Variants in ZFPM2 observed in about 807,000 individuals in gnomAD.
ZFPM2 encodes the protein zinc finger protein ZFPM2.
In ZFPM2, 20 loss-of-function variants were observed where a neutral mutation model predicts 98.6. That is an observed-to-expected ratio of 0.20 (90% CI 0.14 to 0.29). The LOEUF is 0.29. Ranked by LOEUF, ZFPM2 falls within the 10% of genes least tolerant of loss-of-function variation. The pLI is 1.00. For synonymous variants in ZFPM2, 518 were observed against 502.7 expected (o/e 1.03, Z -0.41); for missense variants, 1,310 against 1,388.6 (o/e 0.94, Z 0.90).
chr8:105,413,560 T>C (rs953069969), intron 1 of ZFPM2, among the ~76,000 whole-genome samples: 1 of 150,718 alleles, frequency 6.6e-6, no homozygotes, highest in African/African-American at 2.4e-5. Context: ...TATATGTATG[T>C]TTCTTCAATT....
intron 5 of ZFPM2, among the ~76,000 whole-genome samples, chr8:105,775,044 C>G (rs933143243): frequency 8.2e-5 from 12 of 146,598 alleles, no homozygotes; most frequent in Non-Finnish European, 1.8e-4. Context: ...TTTAAACTGA[C>G]TCCCTAGAGA....
Position 105,803,802 on chromosome 8 carries a change from A to T in ZFPM2, c.*264A>T. 1 of 406,408 alleles carries T rather than the reference A, an allele frequency of 2.5e-6. No homozygotes were observed. Among genetic ancestry groups the T allele is most frequent in the East Asian group, 4.7e-5 (1 of 21,284 alleles). The allele number at this position is 406,408 out of a possible 1,614,324, so 25.2% of individuals were successfully genotyped here. On this transcript the variant is annotated 3_prime_UTR_variant, in exon 8 of 8. Coordinates refer to ENST00000407775, the MANE Select transcript of ZFPM2 (RefSeq NM_012082.4). ...TTTTTATTTAAAAACTTTATATTAA[A>T]GTCATTTGTAATGTTATTGTATAGT...
At chr8:105,456,670 C>A (rs1466985803) in intron 3 of ZFPM2, among the ~76,000 whole-genome samples, 2 of 152,004 alleles carry the variant, frequency 1.3e-5, no homozygotes, top group Admixed American at 1.3e-4. Context: ...AGTATTATTT[C>A]TTTTATTGCT....
At chr8:105,593,929 C>T (rs1394486048) in intron 4 of ZFPM2, among the ~76,000 whole-genome samples, 2 of 152,122 alleles carry the variant, frequency 1.3e-5, no homozygotes, top group African/African-American at 4.8e-5. Flanking sequence ...TGCTCTCTGG[C>T]TCCATATGGA....
intron 5 of ZFPM2, among the ~76,000 whole-genome samples, chr8:105,670,853 T>G (rs2130904043): frequency 6.6e-6 from 1 of 152,324 alleles, no homozygotes; most frequent in East Asian, 1.9e-4. Flanking sequence ...AGAGATTGTA[T>G]TTATTACAGA....
chr8:105,647,032 G>A (rs1817061683), intron 5 of ZFPM2, among the ~76,000 whole-genome samples: 1 of 152,180 alleles, frequency 6.6e-6, no homozygotes. Flanking sequence ...GCCTGTCCAA[G>A]TTTTAGCTCC....
chr8:105,716,885 T>A (rs1811537002), intron 5 of ZFPM2, among the ~76,000 whole-genome samples: 1 of 152,030 alleles, frequency 6.6e-6, no homozygotes, highest in South Asian at 2.1e-4. Flanking sequence ...TTACAATGGA[T>A]TAATCATCAA....
rs12676698 is a variant in ZFPM2, at chr8:105,708,428, A to T, written c.532+74071A>T. Among the ~76,000 whole-genome samples the T allele has an allele frequency of 1.4e-3, 217 of 151,230 alleles. 3 individuals are homozygous for T. The highest frequency in any genetic ancestry group is 6.8e-3 in the Middle Eastern group (2 of 294). ...GGAGTTTTCTTGGGGTTTCGTTGCC[A>T]TTGTTTGTTTGTTTGTTTGTTTGTT... On this transcript the variant is annotated intron_variant, in intron 5 of 7. Coordinates refer to ENST00000407775, the MANE Select transcript of ZFPM2 (RefSeq NM_012082.4).
intron 2 of ZFPM2, among the ~76,000 whole-genome samples, chr8:105,439,044 C>G (rs1457052101): frequency 6.6e-6 from 1 of 151,816 alleles, no homozygotes; most frequent in Non-Finnish European, 1.5e-5. Flanking sequence ...TCATATTTCT[C>G]ATTGTATTTT....
intron 1 of ZFPM2, among the ~76,000 whole-genome samples, chr8:105,340,116 C>T (rs967377633): frequency 1.2e-4 from 18 of 151,760 alleles, no homozygotes; most frequent in African/African-American, 3.9e-4. Context: ...TGGAAGGAGT[C>T]GTTGAGAAAA....
intron 1 of ZFPM2, among the ~76,000 whole-genome samples, chr8:105,356,737 C>T (rs1028287255): frequency 4.6e-5 from 7 of 152,162 alleles, no homozygotes; most frequent in African/African-American, 1.7e-4. Context: ...AGGCTTACTC[C>T]TTCCCCCGAC....
intron 2 of ZFPM2, among the ~76,000 whole-genome samples, chr8:105,437,992 G>A (rs965194559): frequency 6.6e-6 from 1 of 152,236 alleles, no homozygotes; most frequent in African/African-American, 2.4e-5. Flanking sequence ...GCAGTGAGCC[G>A]AGATTGTGCC....
chr8:105,573,448 G>T (rs1815399419), intron 4 of ZFPM2, among the ~76,000 whole-genome samples: 1 of 152,270 alleles, frequency 6.6e-6, no homozygotes, highest in South Asian at 2.1e-4. Flanking sequence ...CAAGAGCCAT[G>T]GGAGCAATCA....
At chr8:105,567,674 T>A (rs1335154394) in intron 4 of ZFPM2, among the ~76,000 whole-genome samples, 1 of 152,206 alleles carries the variant, frequency 6.6e-6, no homozygotes, top group African/African-American at 2.4e-5. Flanking sequence ...AAAAGCAATA[T>A]CCAAATTATT....
Position 105,803,506 on chromosome 8 carries a change from T to A in ZFPM2, c.3424T>A (p.Cys1142Ser). The A allele has an allele frequency of 6.2e-7, 1 of 1,611,608 alleles. No homozygotes were observed. The highest frequency in any genetic ancestry group is 8.5e-7 in the Non-Finnish European group (1 of 1,178,736). Residue 1142 changes from cysteine (C) to serine (S), a missense_variant, in exon 8 of 8, where the codon TGC becomes AGC. Transcript: ENST00000407775. ...SNFITHKKFY[C>S]SSHAAEHVK ...CTTTATAACTCACAAGAAGTTTTAT[T>A]GCTCATCACATGCAGCAGAACATGT...
chr8:105,481,468 C>T (rs1016440291), intron 3 of ZFPM2, among the ~76,000 whole-genome samples: 2 of 152,118 alleles, frequency 1.3e-5, no homozygotes, highest in African/African-American at 4.8e-5. Context: ...AAGACGGGAG[C>T]TCTGCTTTCT....
chr8:105,790,051 T>C (rs1049911573), intron 6 of ZFPM2, among the ~76,000 whole-genome samples: 2 of 151,576 alleles, frequency 1.3e-5, no homozygotes, highest in Admixed American at 6.6e-5. Context: ...TTCACTCTGA[T>C]GGTAGTTTCT....
intron 3 of ZFPM2, among the ~76,000 whole-genome samples, chr8:105,554,190 A>C (rs1221357443): frequency 6.6e-6 from 1 of 152,212 alleles, no homozygotes; most frequent in Non-Finnish European, 1.5e-5. Context: ...ATGCTTAGAG[A>C]TGGATCAATA....
intron 1 of ZFPM2, among the ~76,000 whole-genome samples, chr8:105,327,845 TA>T (rs1414823060): frequency 1.3e-5 from 2 of 151,808 alleles, no homozygotes; most frequent in African/African-American, 2.4e-5. Context: ...TACAATAGCA[TA>T]AAAGGCCTTT....
Sources: gnomAD v4.1 joint callset for allele counts (sites outside exome capture counted in the v4.1 genomes callset) on GRCh38, gnomAD v4.1.1 for gene constraint, MANE v1.5 for transcripts, NCBI Gene and HGNC (gene_info 2026-07-23, HGNC 2026-07-21) for gene names.